The following UNC5D variants were observed in gnomAD, a reference collection of about 807,000 sequenced individuals.
The protein encoded by UNC5D is unc-5 netrin receptor D.
UNC5D carries 39 observed loss-of-function variants against 105.4 expected under a neutral mutation model. That is an observed-to-expected ratio of 0.37 (90% CI 0.29 to 0.48). The LOEUF is 0.48. Among genes scored for constraint, UNC5D ranks in the 20% least tolerant of loss-of-function variants. UNC5D has a pLI of 0.98. For synonymous variants in UNC5D, 452 were observed against 450.4 expected (o/e 1.00, Z -0.04); for missense variants, 991 against 1,202.4 (o/e 0.82, Z 2.60).
intron 4 of UNC5D, among the ~76,000 whole-genome samples, chr8:35,670,181 G>A (rs1311465347): frequency 6.6e-6 from 1 of 152,080 alleles, no homozygotes; most frequent in Non-Finnish European, 1.5e-5. Context: ...ACCCTTAACA[G>A]TCAAATAAGA....
intron 1 of UNC5D, among the ~76,000 whole-genome samples, chr8:35,379,902 A>G (rs73588026): frequency 0.016 from 2,485 of 152,040 alleles, 71 homozygotes; most frequent in African/African-American, 0.056. Flanking sequence ...ACATTTTTAT[A>G]TATCGTCTTA....
intron 16 of UNC5D, among the ~76,000 whole-genome samples, chr8:35,780,339 C>A (rs1360042097): frequency 5.3e-5 from 8 of 152,186 alleles, no homozygotes; most frequent in African/African-American, 1.7e-4. Context: ...CCCATGAAAT[C>A]TTTTAACAGG....
chr8:35,704,638 C>G (rs1255779085), intron 7 of UNC5D, among the ~76,000 whole-genome samples: 1 of 152,070 alleles, frequency 6.6e-6, no homozygotes, highest in Non-Finnish European at 1.5e-5. Context: ...TCATCTAAAC[C>G]CTAAGAAAGG....
chr8:35,373,882 G>A (rs2128927011), intron 1 of UNC5D, among the ~76,000 whole-genome samples: 1 of 152,282 alleles, frequency 6.6e-6, no homozygotes, highest in Admixed American at 6.5e-5. Context: ...TTGAGCACCA[G>A]GGTTCTGAAG....
chr8:35,571,601 G>C (rs1031030175), intron 3 of UNC5D, among the ~76,000 whole-genome samples: 7 of 152,092 alleles, frequency 4.6e-5, no homozygotes, highest in Non-Finnish European at 1.0e-4. Flanking sequence ...TGCTTGCAGG[G>C]AAAAGAAAAA....
intron 1 of UNC5D, among the ~76,000 whole-genome samples, chr8:35,269,474 C>T (rs1256334154): frequency 1.3e-5 from 2 of 152,200 alleles, no homozygotes; most frequent in African/African-American, 4.8e-5. Flanking sequence ...ATTCGCAGCT[C>T]CCACGGTCAC....
chr8:35,759,666 G>A lies in UNC5D; in HGVS notation c.2313+197G>A, dbSNP rs372590747. Among the ~76,000 whole-genome samples, 45 of 152,272 alleles carry A rather than the reference G, an allele frequency of 3.0e-4. No homozygotes were observed. In the South Asian group the frequency reaches 7.9e-3, roughly 27 times the overall value. On this transcript the variant is annotated intron_variant, in intron 14 of 16. Transcript: ENST00000404895. ...TGTCATAAATTAACAGCATTCTAAC[G>A]GGTGGGAAGAAAGGTGCTTGCACGT...
chr8:35,284,234 C>A (rs921363076), intron 1 of UNC5D, among the ~76,000 whole-genome samples: 2 of 152,114 alleles, frequency 1.3e-5, no homozygotes, highest in Non-Finnish European at 2.9e-5. Flanking sequence ...GGGGCATAAG[C>A]AACTTTTATT....
At chr8:35,561,699 T>A (rs1292918375) in intron 2 of UNC5D, among the ~76,000 whole-genome samples, 4 of 152,184 alleles carry the variant, frequency 2.6e-5, no homozygotes, top group Non-Finnish European at 4.4e-5. Flanking sequence ...TCTTATAAGA[T>A]GAGGAAAGTG....
chr8:35,772,128 T>C (rs1383899826), intron 15 of UNC5D, among the ~76,000 whole-genome samples: 1 of 152,166 alleles, frequency 6.6e-6, no homozygotes, highest in Non-Finnish European at 1.5e-5. Context: ...GTAAGTACAA[T>C]CTGTTTAATA....
At chr8:35,684,949 A>G (rs1482666984) in intron 6 of UNC5D, among the ~76,000 whole-genome samples, 200 bp downstream of exon 6, 2 of 152,154 alleles carry the variant, frequency 1.3e-5, no homozygotes, top group Middle Eastern at 3.2e-3. Flanking sequence ...GTTTTGGGGC[A>G]TATTTTTTAA....
chr8:35,663,862 T>C (rs1182165380), intron 4 of UNC5D, among the ~76,000 whole-genome samples: 1 of 152,204 alleles, frequency 6.6e-6, no homozygotes, highest in East Asian at 1.9e-4. Flanking sequence ...AGGTGGTTGA[T>C]TTGAAAATAT....
chr8:35,586,055 C>G (rs930956043), intron 3 of UNC5D, among the ~76,000 whole-genome samples: 2 of 151,926 alleles, frequency 1.3e-5, no homozygotes, highest in Non-Finnish European at 2.9e-5. Context: ...GGTGGATCAC[C>G]TGAGGTCAGG....
intron 1 of UNC5D, among the ~76,000 whole-genome samples, chr8:35,283,366 G>A (rs1360006652): frequency 6.6e-6 from 1 of 152,118 alleles, no homozygotes; most frequent in African/African-American, 2.4e-5. Context: ...TGTGATGGAA[G>A]GTGAAACATT....
intron 1 of UNC5D, among the ~76,000 whole-genome samples, chr8:35,342,935 C>T (rs1811555703): frequency 6.6e-6 from 1 of 152,112 alleles, no homozygotes; most frequent in Admixed American, 6.6e-5. Context: ...AATACCTCTG[C>T]TACATTTTAT....
intron 1 of UNC5D, among the ~76,000 whole-genome samples, chr8:35,333,629 T>G (rs4268121): frequency 1 from 152,000 of 152,132 alleles, 75,935 homozygotes; most frequent in Middle Eastern, 1. Context: ...ATAGGCACTT[T>G]CCCCCACGCC....
intron 3 of UNC5D, among the ~76,000 whole-genome samples, chr8:35,573,046 G>T (rs1438690664): frequency 6.6e-6 from 1 of 152,022 alleles, no homozygotes; most frequent in Non-Finnish European, 1.5e-5. Context: ...CTCGTGATCC[G>T]CCTGCATCAG....
Position 35,324,112 on chromosome 8 carries a change from T to C in UNC5D, c.103+88225T>C, listed in dbSNP as rs375374961. 5.3e-4 allele frequency among the ~76,000 whole-genome samples: 80 copies of C among 151,082 alleles called. No homozygotes were observed. In the South Asian group the frequency reaches 6.1e-3, roughly 11 times the overall value. On this transcript the variant is annotated intron_variant, in intron 1 of 16. Coordinates refer to ENST00000404895, the MANE Select transcript of UNC5D (RefSeq NM_080872.4). ...AGGCGTGGTGGCATCCACCTATAAGTCCCAGTACGTACTATAGAGGTGATG... is the reference window on the plus strand; with the variant it reads ...AGGCGTGGTGGCATCCACCTATAAGCCCCAGTACGTACTATAGAGGTGATG...
chr8:35,682,029 A>G (rs1376234133), intron 4 of UNC5D, among the ~76,000 whole-genome samples: 2 of 152,152 alleles, frequency 1.3e-5, no homozygotes, highest in African/African-American at 4.8e-5. Context: ...CAGTGGCGCG[A>G]TCTCAGCTCA....
Sources: allele counts gnomAD v4.1 joint callset (sites outside exome capture counted in the v4.1 genomes callset), GRCh38; gene constraint gnomAD v4.1.1; transcripts MANE v1.5; gene names NCBI Gene and HGNC (gene_info 2026-07-23, HGNC 2026-07-21).